Variants in ARAP2 observed in about 807,000 individuals in gnomAD.
ARAP2 encodes ArfGAP with RhoGAP domain, ankyrin repeat and PH domain 2.
ARAP2 carries 148 observed loss-of-function variants against 194.5 expected under a neutral mutation model. The ratio of observed to expected loss-of-function variants is 0.76; its 90% CI spans 0.67 to 0.87. ARAP2 has a LOEUF of 0.87. Among genes scored for constraint, ARAP2 ranks in the 40% least tolerant of loss-of-function variants. ARAP2 has a pLI of 0.00. For synonymous variants in ARAP2, 695 were observed against 683.5 expected (o/e 1.02, Z -0.26); for missense variants, 2,128 against 1,989.7 (o/e 1.07, Z -1.32).
chr4:36,182,399 G>A (rs745876946), intron 8 of ARAP2, among the ~76,000 whole-genome samples: 2 of 152,104 alleles, frequency 1.3e-5, no homozygotes, highest in Non-Finnish European at 2.9e-5. Context: ...GGCTGAGGTA[G>A]GAGAATCGCT....
At chr4:36,101,064 G>T (rs1189231483) in intron 27 of ARAP2, among the ~76,000 whole-genome samples, 2 of 151,992 alleles carry the variant, frequency 1.3e-5, no homozygotes, top group Non-Finnish European at 2.9e-5. Flanking sequence ...TATTTGCATA[G>T]CATTTACATT....
intron 32 of ARAP2, among the ~76,000 whole-genome samples, chr4:36,070,812 A>G (rs1018168694): frequency 2.6e-5 from 4 of 152,168 alleles, no homozygotes; most frequent in African/African-American, 9.7e-5. Flanking sequence ...TCATCACAAC[A>G]CTTTAAACGC....
intron 6 of ARAP2, among the ~76,000 whole-genome samples, chr4:36,017,892 G>T (rs1019772274): frequency 6.6e-6 from 1 of 151,992 alleles, no homozygotes; most frequent in Non-Finnish European, 1.5e-5. Flanking sequence ...GACAGTGACT[G>T]GAAATAATAA....
chr4:36,224,903 T>C (rs527543891), intron 2 of ARAP2, among the ~76,000 whole-genome samples: 3 of 152,338 alleles, frequency 2.0e-5, no homozygotes, highest in Non-Finnish European at 2.9e-5. Context: ...ATATTTCTTA[T>C]TCAGTGCAGC....
At chr4:36,194,090 T>G (rs1742548187) in intron 6 of ARAP2, among the ~76,000 whole-genome samples, 1 of 152,178 alleles carries the variant, frequency 6.6e-6, no homozygotes, top group African/African-American at 2.4e-5. Flanking sequence ...GTCAATTGGA[T>G]TTACATGGAA....
At chr4:36,069,896 GT>G (rs1726406448) in intron 32 of ARAP2, among the ~76,000 whole-genome samples, 4 of 152,030 alleles carry the variant, frequency 2.6e-5, no homozygotes, top group African/African-American at 9.7e-5. Flanking sequence ...AGTGAGTTAT[GT>G]TGAGATCTGG....
rs776022281 is a variant in ARAP2, at chr4:36,178,002, TC to T, written c.1681del (p.Glu561ArgfsTer10). 1 of 1,587,668 alleles carries T rather than the reference TC, an allele frequency of 6.3e-7. No individual in the cohort carries two copies. Among genetic ancestry groups the T allele is most frequent in the Non-Finnish European group, 8.5e-7 (1 of 1,170,048 alleles). On this transcript the variant is annotated frameshift_variant and splice_region_variant, in exon 9 of 33. Transcript: ENST00000303965. LOFTEE classifies it high-confidence loss of function. ...TAGTATGCTGATCCAGTCATTTCTC[TC>T]CTCTGAAAATGAAGACAGGAGAAAA... ...TFVFRVEKEE[E>X]RNDWISILLN...
chr4:36,145,383 T>C (rs1197001097), intron 19 of ARAP2, among the ~76,000 whole-genome samples: 1 of 151,998 alleles, frequency 6.6e-6, no homozygotes, highest in Non-Finnish European at 1.5e-5. Flanking sequence ...TGCAGCAACA[T>C]GGATGCAGCT....
intron 15 of ARAP2, among the ~76,000 whole-genome samples, chr4:36,151,587 G>T (rs73225589): frequency 0.04 from 6,050 of 152,128 alleles, 202 homozygotes; most frequent in South Asian, 0.078. Context: ...CTATATATTA[G>T]ATATAATGGA....
chr4:36,125,641 T>G (rs1723705538), intron 21 of ARAP2, among the ~76,000 whole-genome samples: 2 of 151,890 alleles, frequency 1.3e-5, no homozygotes, highest in Non-Finnish European at 2.9e-5. Context: ...GAGAGAAGGA[T>G]GAGAAGGACT....
chr4:36,242,337 G>A (rs1252415280), intron 1 of ARAP2, among the ~76,000 whole-genome samples: 3 of 152,150 alleles, frequency 2.0e-5, no homozygotes, highest in Admixed American at 6.5e-5. Flanking sequence ...ATGAGGACAG[G>A]TGGAAATGTA....
At chr4:36,182,908 A>G (rs527561012) in intron 8 of ARAP2, among the ~76,000 whole-genome samples, 4 of 152,280 alleles carry the variant, frequency 2.6e-5, no homozygotes, top group African/African-American at 7.2e-5. Context: ...TGGCATGTCA[A>G]GTAGGCTGCT....
At chr4:36,181,186 C>T (rs770016551) in intron 8 of ARAP2, among the ~76,000 whole-genome samples, 16 of 152,176 alleles carry the variant, frequency 1.1e-4, no homozygotes, top group South Asian at 4.1e-4. Context: ...AGCACCAATC[C>T]TCCTGGAAAC....
intron 19 of ARAP2, among the ~76,000 whole-genome samples, chr4:36,144,499 A>G (rs1383886293): frequency 6.6e-6 from 1 of 151,912 alleles, no homozygotes; most frequent in Non-Finnish European, 1.5e-5. Context: ...CAAAAATAAG[A>G]ATCTAAAGTA....
downstream of ARAP2, chr4:36,065,363 C>T: frequency 1.9e-6 from 1 of 522,484 alleles, no homozygotes; most frequent in Non-Finnish European, 3.9e-6. Flanking sequence ...AGGCCAGGCC[C>T]TTCTTCTCAT....
chr4:36,158,366 G>T (rs1578113415), intron 15 of ARAP2, among the ~76,000 whole-genome samples: 1 of 151,986 alleles, frequency 6.6e-6, no homozygotes. Flanking sequence ...CTAAAAACCT[G>T]CATTTCTTCC....
chr4:36,073,193 T>C (rs1384959023), intron 32 of ARAP2, among the ~76,000 whole-genome samples: 1 of 152,080 alleles, frequency 6.6e-6, no homozygotes, highest in African/African-American at 2.4e-5. Context: ...AAACAAACAG[T>C]AGCTTTCATG....
chr4:36,225,250 G>A (rs1750053734), intron 2 of ARAP2, among the ~76,000 whole-genome samples: 1 of 152,114 alleles, frequency 6.6e-6, no homozygotes, highest in South Asian at 2.1e-4. Flanking sequence ...ACCTTAAAAA[G>A]AAGGCTTTGA....
At chr4:36,187,169 G>A (rs980405584) in intron 8 of ARAP2, among the ~76,000 whole-genome samples, 1 of 152,160 alleles carries the variant, frequency 6.6e-6, no homozygotes. Flanking sequence ...CTCCACGAAA[G>A]CAGAGAATTG....
Sources: allele counts gnomAD v4.1 joint callset (sites outside exome capture counted in the v4.1 genomes callset), GRCh38; gene constraint gnomAD v4.1.1; transcripts MANE v1.5; gene names NCBI Gene and HGNC (gene_info 2026-07-23, HGNC 2026-07-21).